CCDC171: variants seen among roughly 807,000 people sequenced by gnomAD.
CCDC171 encodes coiled-coil domain-containing protein 171.
In CCDC171, 177 loss-of-function variants were observed where a neutral mutation model predicts 168.2. That is an observed-to-expected ratio of 1.05 (90% confidence interval 0.93 to 1.19). CCDC171 has a LOEUF of 1.19. CCDC171 is among the 50% of genes most tolerant of loss of function. The pLI, the probability that CCDC171 is intolerant of heterozygous loss-of-function variation, is 0.00. For missense variants in CCDC171, 1,991 were observed against 1,539.0 expected (o/e 1.29, Z -4.91); for synonymous variants, 687 against 540.8 (o/e 1.27, Z -3.75).
At chr9:16,106,173 G>C in the CCDC171 span, among the ~76,000 whole-genome samples, 1 of 152,180 alleles carries the variant, frequency 6.6e-6, no homozygotes, top group East Asian at 1.9e-4. Context: ...AAGAATGCTT[G>C]GGATATGGAG....
intron 7 of CCDC171, among the ~76,000 whole-genome samples, chr9:15,644,723 G>A (rs144726868): frequency 0.018 from 2,700 of 152,316 alleles, 88 homozygotes; most frequent in African/African-American, 0.062. Context: ...TGAGGCTTGA[G>A]TAGGTAAACA....
chr9:15,613,245 T>TA (rs1473335869), intron 6 of CCDC171, among the ~76,000 whole-genome samples: 1 of 152,192 alleles, frequency 6.6e-6, no homozygotes, highest in Non-Finnish European at 1.5e-5. Flanking sequence ...ATAACCATCT[T>TA]AGTGGCATGA....
At chr9:15,876,275 G>T (rs1817834117) in intron 24 of CCDC171, among the ~76,000 whole-genome samples, 1 of 152,070 alleles carries the variant, frequency 6.6e-6, no homozygotes, top group South Asian at 2.1e-4. Flanking sequence ...TTGTAGTTTA[G>T]TAGTATACAT....
chr9:15,745,732 T>G, intron 18 of CCDC171, 101 bp downstream of exon 18: 1 of 624,572 alleles, frequency 1.6e-6, no homozygotes, highest in Middle Eastern at 2.7e-4. Context: ...GGGGGAAATA[T>G]ATTTGTTTTT....
In CCDC171 at chr9:15,927,456, C is replaced by G. The variant is rs1233578357; in HGVS notation, c.3753+7034C>G. Reference sequence around the variant, plus strand: ...AGTCTTGAAACATAGAATGCCAAACCCAAATACTTTGCTGTGAGTTATGAT... The same window carrying G: ...AGTCTTGAAACATAGAATGCCAAACGCAAATACTTTGCTGTGAGTTATGAT... On this transcript the variant is annotated intron_variant, in intron 25 of 25. Transcript: ENST00000380701. Among the ~76,000 whole-genome samples, 3 of 151,628 alleles carry G rather than the reference C, an allele frequency of 2.0e-5. No individual in the cohort carries two copies. In the Admixed American group the frequency reaches 2.0e-4, roughly 10 times the overall value.
intron 25 of CCDC171, among the ~76,000 whole-genome samples, chr9:15,941,116 T>C (rs1041470764): frequency 2.0e-5 from 3 of 151,938 alleles, no homozygotes; most frequent in African/African-American, 7.2e-5. Context: ...AAGTGTTACC[T>C]CACCCAGCCG....
intron 24 of CCDC171, among the ~76,000 whole-genome samples, chr9:15,914,986 A>T (rs1824292268): frequency 1.3e-5 from 2 of 151,968 alleles, no homozygotes; most frequent in African/African-American, 4.8e-5. Flanking sequence ...CCACTGTCTA[A>T]CCGGCCCCAG....
At chr9:15,588,048 G>A (rs2041699840) in intron 4 of CCDC171, among the ~76,000 whole-genome samples, 1 of 152,014 alleles carries the variant, frequency 6.6e-6, no homozygotes, top group South Asian at 2.1e-4. Context: ...CAGCCTGACT[G>A]ATATGGTGAA....
intron 11 of CCDC171, among the ~76,000 whole-genome samples, chr9:15,713,810 A>C (rs1358306621): frequency 1.3e-5 from 2 of 151,778 alleles, no homozygotes; most frequent in East Asian, 3.8e-4. Flanking sequence ...TTAGTAGAGA[A>C]TGAAGTGGAG....
intron 18 of CCDC171, among the ~76,000 whole-genome samples, chr9:15,752,947 A>G (rs1298208410): frequency 6.6e-6 from 1 of 152,166 alleles, no homozygotes; most frequent in Non-Finnish European, 1.5e-5. Flanking sequence ...TATGACGCTT[A>G]AAAGTAGATT....
In CCDC171 at chr9:15,821,849, G is replaced by C. The variant is rs1463607268; in HGVS notation, c.3268-24853G>C. Reference sequence around the variant, plus strand: ...AAAAAACTACTTTAAAGTTCATATGGAACCAAAAAAGAGCCCGCATCGCCA... The same window carrying C: ...AAAAAACTACTTTAAAGTTCATATGCAACCAAAAAAGAGCCCGCATCGCCA... On this transcript the variant is annotated intron_variant, in intron 21 of 25. Coordinates refer to ENST00000380701, the MANE Select transcript of CCDC171 (RefSeq NM_173550.4). Among the ~76,000 whole-genome samples, 2 of 63,206 alleles carry C rather than the reference G, an allele frequency of 3.2e-5. 1 individual carries two copies. Among genetic ancestry groups the C allele is most frequent in the Non-Finnish European group, 7.6e-5 (2 of 26,470 alleles). The allele number at this position is 63,206 out of a possible 152,430, so 41.5% of individuals were successfully genotyped here. A position where few individuals can be genotyped will look rare whatever the true frequency, so the allele number is the denominator to read the frequency against.
At chr9:15,557,025 A>G (rs1220652258) in intron 1 of CCDC171, among the ~76,000 whole-genome samples, 2 of 152,092 alleles carry the variant, frequency 1.3e-5, no homozygotes, top group South Asian at 2.1e-4. Flanking sequence ...TGTTTTTGTC[A>G]GGTTTGTCAA....
chr9:15,652,582 C>T (rs953063282), intron 7 of CCDC171, among the ~76,000 whole-genome samples: 1 of 152,068 alleles, frequency 6.6e-6, no homozygotes, highest in Non-Finnish European at 1.5e-5. Flanking sequence ...AGGTGGCCAC[C>T]ACCACACTTG....
chr9:15,945,449 C>A (rs960032106), intron 25 of CCDC171, among the ~76,000 whole-genome samples: 12 of 151,290 alleles, frequency 7.9e-5, no homozygotes, highest in African/African-American at 2.9e-4. Flanking sequence ...CCTGAGGAAT[C>A]GCCACACTGA....
intron 3 of CCDC171, among the ~76,000 whole-genome samples, chr9:15,578,156 G>T (rs1399314392): frequency 1.3e-5 from 2 of 151,874 alleles, no homozygotes; most frequent in Non-Finnish European, 2.9e-5. Flanking sequence ...AAGGAGGAGA[G>T]GAAAGAATGA....
At chr9:15,926,033 C>G (rs548847134) in intron 25 of CCDC171, among the ~76,000 whole-genome samples, 4 of 151,044 alleles carry the variant, frequency 2.6e-5, no homozygotes, top group African/African-American at 7.2e-5. Flanking sequence ...GCTAGGGAAA[C>G]AGAGACATAA....
At chr9:15,671,055 G>C (rs972472213) in intron 9 of CCDC171, among the ~76,000 whole-genome samples, 4 of 152,152 alleles carry the variant, frequency 2.6e-5, no homozygotes, top group African/African-American at 9.7e-5. Flanking sequence ...TCATGCCACT[G>C]TACTTCAGTG....
At chr9:16,074,023 T>A in the CCDC171 span, among the ~76,000 whole-genome samples, 4 of 152,148 alleles carry the variant, frequency 2.6e-5, no homozygotes, top group African/African-American at 7.2e-5. Flanking sequence ...AAACTGCTTA[T>A]CTTTTGCTTG....
intron 24 of CCDC171, among the ~76,000 whole-genome samples, chr9:15,890,866 T>C (rs996355484): frequency 6.6e-6 from 1 of 152,170 alleles, no homozygotes; most frequent in Non-Finnish European, 1.5e-5. Context: ...TTGAAGTAGA[T>C]GATAACCCTG....
Sources: allele counts gnomAD v4.1 joint callset (sites outside exome capture counted in the v4.1 genomes callset), GRCh38; gene constraint gnomAD v4.1.1; transcripts MANE v1.5; gene names NCBI Gene and HGNC (gene_info 2026-07-23, HGNC 2026-07-21).